MYLK: variants seen among roughly 807,000 people sequenced by gnomAD.
MYLK encodes the protein myosin light chain kinase, smooth muscle.
A neutral mutation model predicts 203.4 loss-of-function variants in MYLK; 106 were observed. The observed-to-expected ratio is 0.52, with a 90% CI of 0.45 to 0.61. The LOEUF is 0.61. MYLK is among the 20% of genes least tolerant of loss of function. The pLI, the probability that MYLK is intolerant of heterozygous loss-of-function variation, is 0.00. For synonymous variants in MYLK, 867 were observed against 959.5 expected (o/e 0.90, Z 1.78); for missense variants, 2,072 against 2,442.3 (o/e 0.85, Z 3.20).
At chr3:123,880,892 A>G (rs916581131) in intron 1 of MYLK, among the ~76,000 whole-genome samples, 2 of 152,146 alleles carry the variant, frequency 1.3e-5, no homozygotes, top group Non-Finnish European at 2.9e-5. Flanking sequence ...CTCACACACC[A>G]GGTGCATGCA....
chr3:123,671,830 A>T (rs1440079969), intron 20 of MYLK, among the ~76,000 whole-genome samples: 2 of 151,934 alleles, frequency 1.3e-5, no homozygotes, highest in Non-Finnish European at 2.9e-5. Flanking sequence ...GGTGGGGGAG[A>T]CCAGATGGGA....
rs191784247 is a variant in MYLK at position 123,700,607 on chromosome 3, C to A, written c.2861G>T (p.Arg954Leu). ...KVHSPQQVDFRSVLAKKGTSK... is the reference protein window; with the variant it reads ...KVHSPQQVDFLSVLAKKGTSK... ...AGTCCCCTTCTTGGCCAGGACAGAG[C>A]GAAAATCGACCTGCTGGGGGCTGTG... The change falls in exon 18 of 34, where the codon CGC (arginine) becomes CTC (leucine). Residue 954 changes from arginine to leucine, a missense_variant. Physicochemically the swap from Arg to Leu is moderately radical, Grantham distance 102 (BLOSUM62 -2). Coordinates refer to ENST00000360304, the MANE Select transcript of MYLK (RefSeq NM_053025.4). 4 of 1,613,810 alleles carry A rather than the reference C, an allele frequency of 2.5e-6. No individual in the cohort carries two copies. Among genetic ancestry groups the A allele is most frequent in the Admixed American group, 1.7e-5 (1 of 60,010 alleles).
At chr3:123,812,995 A>G (rs940201244) in intron 3 of MYLK, among the ~76,000 whole-genome samples, 3 of 152,162 alleles carry the variant, frequency 2.0e-5, no homozygotes, top group Non-Finnish European at 2.9e-5. Flanking sequence ...CTGATGGTCA[A>G]CTTGGCAGTC....
intron 3 of MYLK, among the ~76,000 whole-genome samples, chr3:123,799,590 C>G (rs554511356): frequency 2.6e-5 from 4 of 152,156 alleles, no homozygotes; most frequent in Non-Finnish European, 5.9e-5. Context: ...CGCAGTCTAC[C>G]GTGAACCCTA....
intron 3 of MYLK, among the ~76,000 whole-genome samples, chr3:123,805,516 G>C (rs2065338239): frequency 6.6e-6 from 1 of 152,100 alleles, no homozygotes; most frequent in Non-Finnish European, 1.5e-5. Context: ...CAATTCTCAG[G>C]CTGGCTGCCT....
chr3:123,846,513 T>C (rs775012319), intron 2 of MYLK, among the ~76,000 whole-genome samples: 17 of 152,292 alleles, frequency 1.1e-4, no homozygotes, highest in Non-Finnish European at 1.8e-4. Context: ...CATTTTTTGC[T>C]GCAATGAACA....
intron 10 of MYLK, among the ~76,000 whole-genome samples, chr3:123,733,323 C>T (rs2062554078): frequency 6.6e-6 from 1 of 152,128 alleles, no homozygotes; most frequent in Non-Finnish European, 1.5e-5. Flanking sequence ...GCGTGATGGG[C>T]AAGGTCTCCA....
chr3:123,708,626 T>G, intron 15 of MYLK, 72 bp downstream of exon 15: 2 of 1,574,950 alleles, frequency 1.3e-6, no homozygotes, highest in Non-Finnish European at 1.7e-6. Context: ...GTGGTTTCCT[T>G]GCCTCCAAAT....
chr3:123,793,287 G>A lies in MYLK; in HGVS notation c.165+390C>T, dbSNP rs748542347. Among the ~76,000 whole-genome samples the A allele has an allele frequency of 1.2e-4, 18 of 152,114 alleles. 1 individual carries two copies. The highest frequency in any genetic ancestry group is 7.7e-4 in the East Asian group (4 of 5,192). ...TCGGCTAACTAAACTCTCCTTCCAC[G>A]GAAAAAGCAAGAGAAAAATTACAGT... On this transcript the variant is annotated intron_variant, in intron 4 of 33. Transcript: ENST00000360304.
intron 8 of MYLK, chr3:123,735,742 T>C (rs902418195): frequency 2.2e-5 from 8 of 359,300 alleles, no homozygotes; most frequent in Non-Finnish European, 3.1e-5. Context: ...ACCCAAATGC[T>C]GTAACTTACC....
chr3:123,709,868 C>A lies in MYLK; in HGVS notation c.1830G>T (p.Glu610Asp), dbSNP rs1184218481. 6.2e-7 allele frequency: 1 copy of A among 1,614,062 alleles called. No homozygotes were observed. Among genetic ancestry groups the A allele is most frequent in the Non-Finnish European group, 8.5e-7 (1 of 1,180,038 alleles). ...TGCTGGGAGCCACAGGCAGAAGGTA[C>A]TCACTCTTCCTGCTACTCTTCTTTT... Reference protein sequence around the residue: ...VHEKKSSRKSEYLLPVAPSKP... With the variant: ...VHEKKSSRKSDYLLPVAPSKP... The change falls in exon 14 of 34, where the codon GAG (glutamate) becomes GAT (aspartate). Residue 610 changes from glutamate (E) to aspartate (D), a missense_variant. Coordinates refer to ENST00000360304, the MANE Select transcript of MYLK (RefSeq NM_053025.4).
intron 4 of MYLK, among the ~76,000 whole-genome samples, chr3:123,767,124 C>A (rs1305324124): frequency 2.0e-5 from 3 of 152,342 alleles, no homozygotes; most frequent in East Asian, 3.9e-4. Flanking sequence ...CCGCCAGTGT[C>A]CCTTTCAAGT....
At chr3:123,869,079 T>C (rs904852915) in intron 2 of MYLK, among the ~76,000 whole-genome samples, 1 of 152,152 alleles carries the variant, frequency 6.6e-6, no homozygotes, top group Non-Finnish European at 1.5e-5. Context: ...CAGAAGGCAA[T>C]GAGGCCTCAG....
chr3:123,627,018 G>T, intron 30 of MYLK, 77 bp from the exon 31 acceptor site: 1 of 1,563,774 alleles, frequency 6.4e-7, no homozygotes, highest in Non-Finnish European at 8.8e-7. Context: ...GAAATGGGAG[G>T]CCACCTGTCC....
intron 19 of MYLK, among the ~76,000 whole-genome samples, chr3:123,687,770 C>T (rs762003400): frequency 6.6e-6 from 1 of 152,034 alleles, no homozygotes; most frequent in Non-Finnish European, 1.5e-5. Context: ...CTCCCATGCT[C>T]AAGCTGTCCT....
chr3:123,814,370 G>C (rs1450946405), intron 3 of MYLK, among the ~76,000 whole-genome samples: 5 of 152,184 alleles, frequency 3.3e-5, no homozygotes, highest in Non-Finnish European at 5.9e-5. Context: ...TTGCTAGACA[G>C]ACAGTGTCTT....
At chr3:123,738,824 G>T in intron 7 of MYLK, 73 bp downstream of exon 7, 1 of 1,539,798 alleles carries the variant, frequency 6.5e-7, no homozygotes, top group East Asian at 2.4e-5. Context: ...ACCCAGTCTC[G>T]GGTATGTCTA....
At position 123,648,680 on chromosome 3, in the gene MYLK, C is replaced by A. The variant is rs1453015256; in HGVS notation, c.4415+291G>T. On this transcript the variant is annotated intron_variant, in intron 26 of 33. Coordinates refer to ENST00000360304, the MANE Select transcript of MYLK (RefSeq NM_053025.4). The surrounding 1 kb of genome is among the most constrained non-coding windows in gnomAD (Gnocchi z 4.5). ...AGGCCCCAGTGAGTGTTATTCCCCT[C>A]CCTGTGTCTCATTTTGGTCCTGGGC... Among the ~76,000 whole-genome samples the A allele has an allele frequency of 6.6e-6, 1 of 152,074 alleles. No homozygotes were observed. Among genetic ancestry groups the A allele is most frequent in the Non-Finnish European group, 1.5e-5 (1 of 68,016 alleles).
chr3:123,748,626 C>T (rs997583125), intron 5 of MYLK, among the ~76,000 whole-genome samples: 1 of 152,058 alleles, frequency 6.6e-6, no homozygotes, highest in African/African-American at 2.4e-5. Flanking sequence ...TTTTATATCG[C>T]TTATACATTG....
Sources: allele counts gnomAD v4.1 joint callset (sites outside exome capture counted in the v4.1 genomes callset), GRCh38; gene constraint gnomAD v4.1.1; non-coding constraint Gnocchi (gnomAD v3.1); transcripts MANE v1.5; gene names NCBI Gene and HGNC (gene_info 2026-07-23, HGNC 2026-07-21).